Variants in ZNF845 observed in about 807,000 individuals in gnomAD.
ZNF845 encodes the protein zinc finger protein 845.
A neutral mutation model predicts 76.1 loss-of-function variants in ZNF845; 59 were observed. That is an observed-to-expected ratio of 0.78 (90% CI 0.63 to 0.96). The LOEUF (loss-of-function observed/expected upper bound fraction) is 0.96. Among genes scored for constraint, ZNF845 ranks in the 40% least tolerant of loss-of-function variants. The probability of loss-of-function intolerance (pLI) is 0.00; values close to 1 mark genes in which losing one functional copy is unlikely to be tolerated. For synonymous variants in ZNF845, 361 were observed against 386.9 expected (o/e 0.93, Z 0.78); for missense variants, 1,045 against 1,172.8 (o/e 0.89, Z 1.59).
At chr19:53,341,906 C>T (rs920171211) in intron 2 of ZNF845, among the ~76,000 whole-genome samples, 1 of 151,998 alleles carries the variant, frequency 6.6e-6, no homozygotes, top group Non-Finnish European at 1.5e-5. Context: ...AGGAAATCAA[C>T]CTGAATCATA....
At chr19:53,341,132 G>A (rs1237974476) in intron 1 of ZNF845, 103 bp from the exon 2 acceptor site, 6 of 1,077,852 alleles carry the variant, frequency 5.6e-6, no homozygotes, top group South Asian at 1.6e-5. Flanking sequence ...GCAGCAGAGG[G>A]GACCATATTT....
intron 1 of ZNF845, among the ~76,000 whole-genome samples, chr19:53,337,390 C>A (rs943367664): frequency 2.0e-5 from 3 of 151,134 alleles, no homozygotes; most frequent in Non-Finnish European, 4.4e-5. Context: ...ATTTTATTTT[C>A]TTTTTTTTAG....
Position 53,355,862 on chromosome 19 carries a change from T to G in ZNF845, c.*2274T>G, listed in dbSNP as rs951827043. 4 of 152,232 alleles carry G rather than the reference T, an allele frequency of 2.6e-5. No homozygotes were observed. Among genetic ancestry groups the G allele is most frequent in the South Asian group, 2.1e-4 (1 of 4,836 alleles). The allele number at this position is 152,232 out of a possible 1,614,324, so 9.4% of individuals were successfully genotyped here. ...TTTACGAAGAATGAATATTGAGTTC[T>G]GTGAAATGCTTTTTCTCTATCTATT... On this transcript the variant is annotated 3_prime_UTR_variant, in exon 4 of 4. Coordinates refer to ENST00000458035, the MANE Select transcript of ZNF845 (RefSeq NM_138374.3).
intron 3 of ZNF845, among the ~76,000 whole-genome samples, chr19:53,349,149 G>A (rs10427008): frequency 0.33 from 50,679 of 151,766 alleles, 8,868 homozygotes; most frequent in East Asian, 0.48. Context: ...GAACCACAGC[G>A]CCCAGCCGTT....
At chr19:53,337,548 T>A (rs2085224320) in intron 1 of ZNF845, among the ~76,000 whole-genome samples, 2 of 151,948 alleles carry the variant, frequency 1.3e-5, no homozygotes, top group East Asian at 1.9e-4. Flanking sequence ...AGCCAGCTAA[T>A]TTTTGTATTT....
At chr19:53,342,437 AT>A (rs2085263087) in intron 2 of ZNF845, among the ~76,000 whole-genome samples, 1 of 152,130 alleles carries the variant, frequency 6.6e-6, no homozygotes, top group African/African-American at 2.4e-5. Flanking sequence ...TTAAATATAT[AT>A]TTTTATATGT....
intron 1 of ZNF845, among the ~76,000 whole-genome samples, chr19:53,336,465 G>A (rs779042097): frequency 2.0e-4 from 31 of 152,020 alleles, no homozygotes; most frequent in Non-Finnish European, 4.1e-4. Flanking sequence ...AACCGAAATG[G>A]TACCACTGCA....
Position 53,351,435 on chromosome 19 carries a change from C to T in ZNF845, c.760C>T (p.Gln254Ter). ...KCDVCGKVFN[Q>*]KRYLACHRRC... ...TGATGTGTGTGGCAAGGTCTTTAATCAAAAGCGATATCTTGCATGTCATCG... is the reference window on the plus strand; with the variant it reads ...TGATGTGTGTGGCAAGGTCTTTAATTAAAAGCGATATCTTGCATGTCATCG... The change falls in exon 4 of 4, where the codon CAA becomes TAA. Residue 254 changes from glutamine to a stop codon, truncating the protein, a stop_gained. Transcript: ENST00000458035. LOFTEE classifies it high-confidence loss of function. 1 of 1,614,166 alleles carries T rather than the reference C, an allele frequency of 6.2e-7. No homozygotes were observed. The highest frequency in any genetic ancestry group is 1.3e-5 in the African/African-American group (1 of 75,046).
At chr19:53,348,435 G>A (rs892101467) in intron 3 of ZNF845, among the ~76,000 whole-genome samples, 19 of 152,036 alleles carry the variant, frequency 1.2e-4, no homozygotes, top group Non-Finnish European at 2.9e-5. Flanking sequence ...GCTGTGTCCT[G>A]ACATGGTGGA....
rs113044619 is a variant in ZNF845 at position 53,344,509 on chromosome 19, GC to G, written c.16-995del. ...ACTGAGATGGCACCTTTGCATTCCAGCCTGGGTGACAGAGCGAGACTCTGTC... is the reference window on the plus strand; with the variant it reads ...ACTGAGATGGCACCTTTGCATTCCAGCTGGGTGACAGAGCGAGACTCTGTC... On this transcript the variant is annotated intron_variant, in intron 2 of 3. Coordinates refer to ENST00000458035, the MANE Select transcript of ZNF845 (RefSeq NM_138374.3). Among the ~76,000 whole-genome samples, 96 of 152,096 alleles carry G rather than the reference GC, an allele frequency of 6.3e-4. 1 individual carries two copies. Among genetic ancestry groups the G allele is most frequent in the Middle Eastern group, 3.4e-3 (1 of 294 alleles).
In ZNF845 at chr19:53,345,649, T is replaced by A; in HGVS notation, c.142+17T>A. ...TCTCCCTGGGTGAGGATAACTTCCC[T>A]CCAGAAGTGGGGATGTGCCCTTGTG... On this transcript the variant is annotated intron_variant, in intron 3 of 3. Coordinates refer to ENST00000458035, the MANE Select transcript of ZNF845 (RefSeq NM_138374.3). The A allele has an allele frequency of 6.2e-7, 1 of 1,611,708 alleles. No individual in the cohort carries two copies. Among genetic ancestry groups the A allele is most frequent in the South Asian group, 1.1e-5 (1 of 90,808 alleles).
At chr19:53,343,050 C>T (rs1241340358) in intron 2 of ZNF845, among the ~76,000 whole-genome samples, 1 of 152,076 alleles carries the variant, frequency 6.6e-6, no homozygotes, top group Non-Finnish European at 1.5e-5. Flanking sequence ...AACTCCTGAC[C>T]TCAGGTTATC....
At chr19:53,348,847 A>G (rs1013329311) in intron 3 of ZNF845, among the ~76,000 whole-genome samples, 2 of 96,600 alleles carry the variant, frequency 2.1e-5, no homozygotes, top group African/African-American at 8.6e-5. Flanking sequence ...TTGTTAGTCA[A>G]TTTTTTTTTT....
intron 1 of ZNF845, among the ~76,000 whole-genome samples, chr19:53,335,600 T>C (rs2085208017): frequency 7.1e-6 from 1 of 140,582 alleles, no homozygotes; most frequent in South Asian, 2.2e-4. Flanking sequence ...TTTTTTGTTT[T>C]TGTTTTTGTT....
At chr19:53,346,196 A>C in intron 3 of ZNF845, 1 of 241,578 alleles carries the variant, frequency 4.1e-6, no homozygotes. Flanking sequence ...GTTTCATGTT[A>C]TCTGTATCTC....
Position 53,353,397 on chromosome 19 carries a change from A to C in ZNF845, c.2722A>C (p.Ile908Leu), listed in dbSNP as rs767621547. The C allele has an allele frequency of 6.2e-7, 1 of 1,613,594 alleles. No homozygotes were observed. Among genetic ancestry groups the C allele is most frequent in the Non-Finnish European group, 8.5e-7 (1 of 1,179,804 alleles). The change falls in exon 4 of 4, where the codon ATT (isoleucine) becomes CTT (leucine). Residue 908 changes from isoleucine (I) to leucine (L), a missense_variant. Coordinates refer to ENST00000458035, the MANE Select transcript of ZNF845 (RefSeq NM_138374.3). The stretch of plus-strand genomic sequence containing the variant: ...AGCACACCTTGCATGTCATCATAGA[A>C]TTCATACTGGAGAGAAACCTTACAA... Reference protein sequence around the residue: ...QQAHLACHHRIHTGEKPYKCN... With the variant: ...QQAHLACHHRLHTGEKPYKCN...
chr19:53,338,164 C>T (rs1423164430), intron 1 of ZNF845, among the ~76,000 whole-genome samples: 1 of 152,136 alleles, frequency 6.6e-6, no homozygotes, highest in Non-Finnish European at 1.5e-5. Context: ...GGGGCAAGTG[C>T]AAGGATGGTC....
At chr19:53,350,392 G>A (rs1599984930) in intron 3 of ZNF845, among the ~76,000 whole-genome samples, 2 of 152,148 alleles carry the variant, frequency 1.3e-5, no homozygotes, top group East Asian at 3.9e-4. Context: ...TGAGCTTGTT[G>A]TGGATTATTT....
At chr19:53,341,181 A>G in intron 1 of ZNF845, 54 bp from the exon 2 acceptor site, 2 of 1,408,818 alleles carry the variant, frequency 1.4e-6, no homozygotes, top group Non-Finnish European at 9.9e-7. Flanking sequence ...TCATTGTGTT[A>G]ACGGAGGGGG....
Sources: gnomAD v4.1 joint callset for allele counts (sites outside exome capture counted in the v4.1 genomes callset) on GRCh38, gnomAD v4.1.1 for gene constraint, MANE v1.5 for transcripts, NCBI Gene and HGNC (gene_info 2026-07-23, HGNC 2026-07-21) for gene names.